The following CLN6 variants were observed in gnomAD, a reference collection of about 807,000 sequenced individuals.
CLN6 encodes CLN6 transmembrane ER protein.
Under a neutral mutation model 33.3 loss-of-function variants are expected in CLN6, and 22 were observed. The ratio of observed to expected loss-of-function variants is 0.66; its 90% CI spans 0.47 to 0.94. The LOEUF is 0.94. Among genes scored for constraint, CLN6 ranks in the 40% least tolerant of loss-of-function variants. The pLI, the probability that CLN6 is intolerant of heterozygous loss-of-function variation, is 0.00. For synonymous variants in CLN6, 201 were observed against 174.6 expected (o/e 1.15, Z -1.19); for missense variants, 387 against 417.1 (o/e 0.93, Z 0.63).
intron 2 of CLN6, among the ~76,000 whole-genome samples, chr15:68,216,464 C>T (rs973079896): frequency 6.6e-6 from 1 of 152,236 alleles, no homozygotes; most frequent in African/African-American, 2.4e-5. Context: ...GGAGAACCAG[C>T]ACCCACCATC....
intron 1 of CLN6, among the ~76,000 whole-genome samples, chr15:68,235,756 A>T (rs907715683): frequency 6.6e-6 from 1 of 152,028 alleles, no homozygotes; most frequent in African/African-American, 2.4e-5. Flanking sequence ...GCAAATGTAC[A>T]TGCTATTTGG....
Position 68,219,123 on chromosome 15 carries a change from A to T in CLN6, c.84-473T>A, listed in dbSNP as rs138620449. ...ATTACCTCCATTTTAGAAACGAAAA[A>T]ACTGAGGCCCAAGAGGCTCAATAAC... On this transcript the variant is annotated intron_variant, in intron 1 of 6. Transcript: ENST00000249806. The surrounding 1 kb of genome is among the most constrained non-coding windows in gnomAD (Gnocchi z 4.2). Among the ~76,000 whole-genome samples the T allele has an allele frequency of 4.3e-4, 65 of 152,306 alleles. No individual in the cohort carries two copies. The highest frequency in any genetic ancestry group is 1.3e-3 in the African/African-American group (56 of 41,564).
At chr15:68,215,253 A>C (rs1385298539) in intron 2 of CLN6, 2 of 146,142 alleles carry the variant, frequency 1.4e-5, no homozygotes, top group African/African-American at 5.0e-5. Context: ...AACTCACAGA[A>C]TGCAGCAATC....
chr15:68,253,749 T>C lies in CLN6; in HGVS notation c.179+2941A>G, dbSNP rs1339855037. ...CAAATGTCGGCAGATACTTCTTTTT[T>C]AGCCGCCGATATTATGCCACCAGTG... On this transcript the variant is annotated intron_variant, in intron 1 of 6. Coordinates refer to the CLN6 transcript ENST00000538696. Among the ~76,000 whole-genome samples the C allele has an allele frequency of 1.6e-4, 25 of 152,384 alleles. No individual in the cohort carries two copies. In the East Asian group the frequency reaches 4.2e-3, roughly 26 times the overall value.
upstream of CLN6, among the ~76,000 whole-genome samples, chr15:68,230,467 C>T (rs1489089119): frequency 2.0e-5 from 3 of 152,150 alleles, no homozygotes; most frequent in Non-Finnish European, 4.4e-5. The surrounding 1 kb of genome is among the most constrained non-coding windows in gnomAD (Gnocchi z 4.0). Context: ...ACAAGACAGA[C>T]AGAACCTAAG....
chr15:68,230,768 A>G (rs979536713), upstream of CLN6, among the ~76,000 whole-genome samples: 7 of 152,142 alleles, frequency 4.6e-5, no homozygotes, highest in Non-Finnish European at 1.0e-4. The surrounding 1 kb of genome is among the most constrained non-coding windows in gnomAD (Gnocchi z 4.0). Context: ...CCTCCACAGA[A>G]AGGTTACCTT....
intron 1 of CLN6, among the ~76,000 whole-genome samples, chr15:68,229,205 G>A (rs1399366964): frequency 6.6e-5 from 10 of 152,178 alleles, no homozygotes. Flanking sequence ...AGCCCGGGTC[G>A]CTGGAACGCG....
chr15:68,249,605 T>C (rs1361389596), intron 1 of CLN6, among the ~76,000 whole-genome samples: 2 of 145,320 alleles, frequency 1.4e-5, no homozygotes, highest in Admixed American at 7.1e-5. Flanking sequence ...CACTCACATA[T>C]GGGAGCTAAA....
At chr15:68,222,699 G>A (rs1439023757) in intron 1 of CLN6, among the ~76,000 whole-genome samples, 2 of 152,220 alleles carry the variant, frequency 1.3e-5, no homozygotes, top group Admixed American at 6.5e-5. Context: ...GGGAAATGTG[G>A]GGAAAAGAAA....
At chr15:68,237,605 C>A (rs1319005278) in intron 1 of CLN6, among the ~76,000 whole-genome samples, 1 of 152,050 alleles carries the variant, frequency 6.6e-6, no homozygotes, top group African/African-American at 2.4e-5. Flanking sequence ...ACAAAATTAC[C>A]TAAAATGCAG....
At position 68,211,531 on chromosome 15, in the gene CLN6, T is replaced by C. The variant is rs1347784697; in HGVS notation, c.486+144A>G. 1.3e-6 allele frequency: 2 copies of C among 1,594,596 alleles called. No individual in the cohort carries two copies. The highest frequency in any genetic ancestry group is 1.7e-6 in the Non-Finnish European group (2 of 1,176,164). Reference sequence around the variant, plus strand: ...CCTAAGAACACTTGAGCATCCTAGCTTGGGGCAGGCGACAGTGCCCTCACC... The same window carrying C: ...CCTAAGAACACTTGAGCATCCTAGCCTGGGGCAGGCGACAGTGCCCTCACC... On this transcript the variant is annotated intron_variant, in intron 4 of 6. Coordinates refer to ENST00000249806, the MANE Select transcript of CLN6 (RefSeq NM_017882.3). The surrounding 1 kb of genome is among the most constrained non-coding windows in gnomAD (Gnocchi z 5.9).
chr15:68,208,266 G>C lies in CLN6; in HGVS notation c.810C>G (p.Leu270=), dbSNP rs183399390. Residue 270 remains leucine (L), a synonymous_variant, in exon 7 of 7, where the codon CTC becomes CTG. Transcript: ENST00000249806. The surrounding 1 kb of genome is among the most constrained non-coding windows in gnomAD (Gnocchi z 5.8). ...LFLFSSFALT[L]LLVALWVAWL... is the part of the protein sequence containing the mutation. ...AGGCGACCCAGAGCGCCACAAGCAA[G>C]AGGGTCAGTGCGAAGGAGGAGAAGA... The C allele has an allele frequency of 3.7e-5, 59 of 1,614,172 alleles. No homozygotes were observed. The highest frequency in any genetic ancestry group is 4.9e-5 in the Non-Finnish European group (58 of 1,180,048).
At chr15:68,226,339 G>C (rs1027950820) in intron 1 of CLN6, among the ~76,000 whole-genome samples, 6 of 146,984 alleles carry the variant, frequency 4.1e-5, no homozygotes, top group African/African-American at 1.6e-4. Flanking sequence ...AAAAAAAAGA[G>C]TCTGGACTTT....
chr15:68,209,847 A>G lies in CLN6; in HGVS notation c.543-88T>C. ...CAACCACTCCCATGGGGTCTCATGG[A>G]GTGCCACGTCACAGTTTACAAAACG... On this transcript the variant is annotated intron_variant, in intron 5 of 6. Coordinates refer to ENST00000249806, the MANE Select transcript of CLN6 (RefSeq NM_017882.3). This position sits in a 1 kb window ranked among gnomAD's most constrained non-coding sequence, Gnocchi z 4.9. 1 of 1,568,412 alleles carries G rather than the reference A, an allele frequency of 6.4e-7. No individual in the cohort carries two copies. The highest frequency in any genetic ancestry group is 1.1e-5 in the South Asian group (1 of 89,530).
At chr15:68,239,085 A>G (rs1892258514) in intron 1 of CLN6, among the ~76,000 whole-genome samples, 2 of 152,196 alleles carry the variant, frequency 1.3e-5, no homozygotes, top group South Asian at 4.1e-4. Context: ...TAAAATTTCA[A>G]GGGTAATCAC....
At chr15:68,218,494 C>A (rs772418180) in intron 2 of CLN6, 42 bp downstream of exon 2, 6 of 1,393,114 alleles carry the variant, frequency 4.3e-6, no homozygotes, top group South Asian at 1.2e-5. Flanking sequence ...CACTAAGTGT[C>A]CTCAGTGCTG....
At chr15:68,214,587 TC>T in intron 2 of CLN6, 199 bp from the exon 3 acceptor site, 1 of 567,334 alleles carries the variant, frequency 1.8e-6, no homozygotes, top group Non-Finnish European at 3.3e-6. Flanking sequence ...GAAAGCTGAG[TC>T]CCAGAGGAGG....
intron 1 of CLN6, among the ~76,000 whole-genome samples, chr15:68,248,738 G>A (rs556915638): frequency 6.6e-6 from 1 of 151,818 alleles, no homozygotes; most frequent in South Asian, 2.1e-4. Flanking sequence ...ACATTGGTCA[G>A]GGCAAAGATT....
intron 1 of CLN6, among the ~76,000 whole-genome samples, chr15:68,222,591 G>A (rs1336682048): frequency 2.0e-5 from 3 of 152,214 alleles, no homozygotes; most frequent in African/African-American, 4.8e-5. Flanking sequence ...CCTCTGCCCG[G>A]CCGCCCGGTC....
Sources: allele counts gnomAD v4.1 joint callset (sites outside exome capture counted in the v4.1 genomes callset), GRCh38; gene constraint gnomAD v4.1.1; non-coding constraint Gnocchi (gnomAD v3.1); transcripts MANE v1.5; gene names NCBI Gene and HGNC (gene_info 2026-07-23, HGNC 2026-07-21).